Variants in GPC6 observed in about 807,000 individuals in gnomAD.
The protein encoded by GPC6 is glypican-6.
In GPC6, 14 loss-of-function variants were observed where a neutral mutation model predicts 55.2. The observed-to-expected ratio is 0.25, with a 90% CI of 0.17 to 0.40. The LOEUF (loss-of-function observed/expected upper bound fraction) is 0.40. Among genes scored for constraint, GPC6 ranks in the 10% least tolerant of loss-of-function variants. The pLI, the probability that GPC6 is intolerant of heterozygous loss-of-function variation, is 1.00. For synonymous variants in GPC6, 278 were observed against 259.6 expected (o/e 1.07, Z -0.68); for missense variants, 641 against 708.5 (o/e 0.90, Z 1.08).
chr13:94,218,867 C>G (rs904141812), intron 4 of GPC6, among the ~76,000 whole-genome samples: 3 of 152,096 alleles, frequency 2.0e-5, no homozygotes, highest in Non-Finnish European at 2.9e-5. Flanking sequence ...GGGTAGAATT[C>G]TAGACTTCGT....
chr13:94,127,796 C>G (rs1886872603), intron 4 of GPC6, among the ~76,000 whole-genome samples: 1 of 152,098 alleles, frequency 6.6e-6, no homozygotes, highest in Admixed American at 6.6e-5. Flanking sequence ...TTAGTGTTAC[C>G]AGGTCAGAAA....
intron 2 of GPC6, among the ~76,000 whole-genome samples, chr13:93,555,664 TA>T (rs1180359039): frequency 6.6e-6 from 1 of 152,148 alleles, no homozygotes; most frequent in Non-Finnish European, 1.5e-5. Context: ...GTTCTTATCA[TA>T]AAAAACAGGA....
intron 1 of GPC6, among the ~76,000 whole-genome samples, chr13:93,276,481 AGAGAGAGAGAGAGAGT>A (rs1206088369): frequency 5.1e-4 from 68 of 134,194 alleles, no homozygotes; most frequent in African/African-American, 2.1e-3. Flanking sequence ...AGAGAGAGAG[AGAGAGAGAGAGAGAGT>A]GTGTGTGTGT....
At chr13:94,216,962 T>G (rs1282506292) in intron 4 of GPC6, among the ~76,000 whole-genome samples, 1 of 152,214 alleles carries the variant, frequency 6.6e-6, no homozygotes, top group East Asian at 1.9e-4. Flanking sequence ...TTTATCAAAC[T>G]ACTTAAACTC....
At chr13:93,533,698 T>C (rs1012221465) in intron 1 of GPC6, among the ~76,000 whole-genome samples, 3 of 152,092 alleles carry the variant, frequency 2.0e-5, no homozygotes, top group Non-Finnish European at 2.9e-5. Flanking sequence ...GTAGGAAATG[T>C]CACCTTGGCG....
chr13:93,773,160 G>A (rs1466418809), intron 2 of GPC6, among the ~76,000 whole-genome samples: 1 of 152,054 alleles, frequency 6.6e-6, no homozygotes. Flanking sequence ...AAAGCAAAAT[G>A]CCACTCTAGT....
intron 4 of GPC6, among the ~76,000 whole-genome samples, chr13:94,232,718 G>A (rs1278114232): frequency 6.6e-6 from 1 of 152,020 alleles, no homozygotes; most frequent in South Asian, 2.1e-4. Context: ...CCATAAATTT[G>A]CATTAATGAC....
intron 1 of GPC6, among the ~76,000 whole-genome samples, chr13:93,427,118 A>G (rs1205572485): frequency 1.3e-5 from 2 of 150,476 alleles, no homozygotes; most frequent in South Asian, 2.1e-4. Flanking sequence ...GTTTGAGTTC[A>G]TTGTAGATTC....
intron 2 of GPC6, among the ~76,000 whole-genome samples, chr13:93,630,647 T>C (rs868282015): frequency 4.6e-5 from 7 of 152,304 alleles, no homozygotes; most frequent in African/African-American, 7.2e-5. Context: ...GTTTTGTCCA[T>C]ATAATTAGAA....
intron 2 of GPC6, among the ~76,000 whole-genome samples, chr13:93,634,228 C>T (rs1234722505): frequency 6.6e-6 from 1 of 152,108 alleles, no homozygotes; most frequent in Non-Finnish European, 1.5e-5. Context: ...ATGTTTGTTA[C>T]TTAGTTTTGG....
At chr13:94,007,867 A>G (rs1403613138) in intron 3 of GPC6, among the ~76,000 whole-genome samples, 1 of 152,114 alleles carries the variant, frequency 6.6e-6, no homozygotes, top group South Asian at 2.1e-4. Context: ...TGTGAATCTA[A>G]CGTACATTTT....
intron 4 of GPC6, among the ~76,000 whole-genome samples, chr13:94,115,334 G>A (rs375539158): frequency 1.3e-5 from 2 of 152,196 alleles, no homozygotes; most frequent in East Asian, 1.9e-4. Flanking sequence ...TTATGTCAGA[G>A]GCAAGGGGTT....
intron 3 of GPC6, among the ~76,000 whole-genome samples, chr13:93,874,643 T>C (rs528665223): frequency 6.6e-6 from 1 of 150,618 alleles, no homozygotes; most frequent in African/African-American, 2.4e-5. Context: ...TTCTTACCAG[T>C]CATGACCGTG....
intron 2 of GPC6, among the ~76,000 whole-genome samples, chr13:93,581,571 G>T (rs1427246506): frequency 1.3e-5 from 2 of 152,152 alleles, no homozygotes; most frequent in Non-Finnish European, 2.9e-5. Flanking sequence ...GCTATGCATG[G>T]TGGTGCACTC....
At chr13:93,781,134 G>A (rs1057328900) in intron 2 of GPC6, among the ~76,000 whole-genome samples, 2 of 151,826 alleles carry the variant, frequency 1.3e-5, no homozygotes, top group African/African-American at 4.8e-5. Flanking sequence ...AAATTAGCTG[G>A]GCATTGTAGC....
At chr13:94,303,682 T>A (rs1293126740) in intron 5 of GPC6, among the ~76,000 whole-genome samples, 3 of 151,682 alleles carry the variant, frequency 2.0e-5, no homozygotes, top group African/African-American at 7.3e-5. Context: ...GGAAGCTATC[T>A]TCAACATCCA....
chr13:93,647,491 G>A (rs958652050), intron 2 of GPC6, among the ~76,000 whole-genome samples: 7 of 152,052 alleles, frequency 4.6e-5, no homozygotes, highest in East Asian at 1.9e-4. Flanking sequence ...AGACTGAACC[G>A]GGGGAGATTT....
At position 94,135,546 on chromosome 13, in the gene GPC6, G is replaced by A. The variant is rs960806762; in HGVS notation, c.877+107652G>A. On this transcript the variant is annotated intron_variant, in intron 4 of 8. Transcript: ENST00000377047. ...GCAGAGAACAGTGCTAGAACCTGCA[G>A]GGGAATGGAAAGTTGAAAAGTCATG... Among the ~76,000 whole-genome samples, 12 of 152,314 alleles carry A rather than the reference G, an allele frequency of 7.9e-5. No individual in the cohort carries two copies. In the South Asian group the frequency reaches 1.4e-3, roughly 18 times the overall value.
intron 2 of GPC6, among the ~76,000 whole-genome samples, chr13:93,804,188 A>C (rs2138941988): frequency 6.6e-6 from 1 of 152,300 alleles, no homozygotes; most frequent in South Asian, 2.1e-4. Context: ...GAATAAAAAA[A>C]ATGGATGAGG....
Sources: gnomAD v4.1 joint callset for allele counts (sites outside exome capture counted in the v4.1 genomes callset) on GRCh38, gnomAD v4.1.1 for gene constraint, MANE v1.5 for transcripts, NCBI Gene and HGNC (gene_info 2026-07-23, HGNC 2026-07-21) for gene names.